The following COMMD10 variants were observed in gnomAD, a reference collection of about 807,000 sequenced individuals.
COMMD10 encodes the protein COMM domain-containing protein 10.
Under a neutral mutation model 28.9 loss-of-function variants are expected in COMMD10, and 33 were observed. The observed-to-expected ratio is 1.14, with a 90% CI of 0.87 to 1.53. The LOEUF is 1.53. Among genes scored for constraint, COMMD10 ranks in the 40% most tolerant of loss-of-function variants. COMMD10 has a pLI of 0.00. For synonymous variants in COMMD10, 110 were observed against 81.7 expected (o/e 1.35, Z -1.87); for missense variants, 310 against 233.4 (o/e 1.33, Z -2.14).
intron 5 of COMMD10, among the ~76,000 whole-genome samples, chr5:116,274,763 C>G (rs1027306645): frequency 2.0e-5 from 3 of 151,656 alleles, no homozygotes; most frequent in Admixed American, 6.6e-5. Context: ...AGTTTTTAAC[C>G]CACCTCTCAA....
intron 5 of COMMD10, among the ~76,000 whole-genome samples, chr5:116,157,660 T>A (rs1221539985): frequency 6.6e-6 from 1 of 152,208 alleles, no homozygotes; most frequent in African/African-American, 2.4e-5. Flanking sequence ...ATTCTAATTG[T>A]TGATGGAACA....
intron 5 of COMMD10, among the ~76,000 whole-genome samples, chr5:116,187,530 T>C (rs1748180798): frequency 6.6e-6 from 1 of 152,092 alleles, no homozygotes; most frequent in Admixed American, 6.5e-5. Context: ...TATATGGCTG[T>C]AACAAAGAAG....
chr5:116,108,926 C>A (rs952783552), intron 4 of COMMD10, among the ~76,000 whole-genome samples: 1 of 152,056 alleles, frequency 6.6e-6, no homozygotes, highest in Non-Finnish European at 1.5e-5. Flanking sequence ...CAGTCTCTTA[C>A]GGCTTCCCTT....
At chr5:116,174,240 C>T (rs1753431402) in intron 5 of COMMD10, among the ~76,000 whole-genome samples, 1 of 151,964 alleles carries the variant, frequency 6.6e-6, no homozygotes, top group African/African-American at 2.4e-5. Context: ...TTGCAAAGGC[C>T]CTGAGATGGA....
chr5:116,209,374 T>C (rs1026683373), intron 5 of COMMD10, among the ~76,000 whole-genome samples: 1 of 152,198 alleles, frequency 6.6e-6, no homozygotes, highest in Non-Finnish European at 1.5e-5. Context: ...GTTGCCAGTT[T>C]GGCGCACCAA....
At chr5:116,241,793 CT>C (rs1455681284) in intron 5 of COMMD10, among the ~76,000 whole-genome samples, 1 of 150,784 alleles carries the variant, frequency 6.6e-6, no homozygotes, top group Non-Finnish European at 1.5e-5. Flanking sequence ...TTTGTATTTT[CT>C]TTTTAGTAGA....
chr5:116,270,016 T>A (rs555041309), intron 5 of COMMD10, among the ~76,000 whole-genome samples: 1 of 146,294 alleles, frequency 6.8e-6, no homozygotes, highest in East Asian at 2.0e-4. Flanking sequence ...TTTCAAGCCT[T>A]CTAATCTAAG....
chr5:116,253,282 C>G (rs75394121), intron 5 of COMMD10, among the ~76,000 whole-genome samples: 1 of 132,592 alleles, frequency 7.5e-6, no homozygotes, highest in African/African-American at 2.9e-5. Context: ...ATTGAATACC[C>G]TTTATTTCCT....
At chr5:116,112,085 T>C (rs1393924275) in intron 4 of COMMD10, among the ~76,000 whole-genome samples, 1 of 152,218 alleles carries the variant, frequency 6.6e-6, no homozygotes, top group Non-Finnish European at 1.5e-5. Context: ...TGAACATTTC[T>C]TGTAGAGCTG....
intron 5 of COMMD10, among the ~76,000 whole-genome samples, chr5:116,193,113 G>T (rs559802074): frequency 1.3e-5 from 2 of 152,142 alleles, no homozygotes; most frequent in African/African-American, 4.8e-5. Flanking sequence ...CAAATGCTGC[G>T]TGAATTCACC....
intron 4 of COMMD10, among the ~76,000 whole-genome samples, chr5:116,108,510 C>G (rs997218129): frequency 3.3e-5 from 5 of 152,250 alleles, no homozygotes; most frequent in Admixed American, 6.5e-5. Flanking sequence ...ACCGCCTACT[C>G]AAGCCTCAGC....
intron 5 of COMMD10, among the ~76,000 whole-genome samples, chr5:116,234,593 T>A (rs926945910): frequency 6.6e-6 from 1 of 152,116 alleles, no homozygotes; most frequent in Non-Finnish European, 1.5e-5. Context: ...TAAAGTAAAA[T>A]TCAGTGTTCA....
chr5:116,250,528 G>T (rs1187549745), intron 5 of COMMD10, among the ~76,000 whole-genome samples: 1 of 151,716 alleles, frequency 6.6e-6, no homozygotes, highest in African/African-American at 2.4e-5. Flanking sequence ...CATACATGAT[G>T]ACTTCTTATC....
intron 5 of COMMD10, among the ~76,000 whole-genome samples, chr5:116,201,804 A>G (rs1269327004): frequency 6.6e-6 from 1 of 152,142 alleles, no homozygotes; most frequent in Non-Finnish European, 1.5e-5. Flanking sequence ...TAATTTATCC[A>G]AAGTTACACA....
chr5:116,271,586 A>C (rs1309388232), intron 5 of COMMD10, among the ~76,000 whole-genome samples: 2 of 151,704 alleles, frequency 1.3e-5, no homozygotes, highest in African/African-American at 4.9e-5. Context: ...CTAAGCTACC[A>C]GTATGGAAGA....
chr5:116,159,130 G>T (rs1203080497), intron 5 of COMMD10, among the ~76,000 whole-genome samples: 1 of 152,080 alleles, frequency 6.6e-6, no homozygotes, highest in Non-Finnish European at 1.5e-5. Flanking sequence ...ATATAATTCA[G>T]ATTATTTCTT....
At chr5:116,104,719 A>G (rs1236529558) in intron 4 of COMMD10, among the ~76,000 whole-genome samples, 13 of 151,328 alleles carry the variant, frequency 8.6e-5, no homozygotes, top group Admixed American at 6.6e-4. Context: ...TCCCGAGTTC[A>G]TGCCATTCTC....
chr5:116,187,251 ACTAT>A lies in COMMD10; in HGVS notation c.510+53076_510+53079del, dbSNP rs2112605634. Among the ~76,000 whole-genome samples, 6 of 152,286 alleles carry A rather than the reference ACTAT, an allele frequency of 3.9e-5. 1 individual carries two copies. The highest frequency in any genetic ancestry group is 3.9e-4 in the Admixed American group (6 of 15,296). On this transcript the variant is annotated intron_variant, in intron 5 of 6. Transcript: ENST00000274458. Reference sequence around the variant, plus strand: ...AGTGTTATGAAACTTATAATTAGGAACTATCTGAAAGCCAAATGTTTAGCTAAAA... The same window carrying A: ...AGTGTTATGAAACTTATAATTAGGAACTGAAAGCCAAATGTTTAGCTAAAA...
At chr5:116,208,095 G>C (rs6886621) in intron 5 of COMMD10, among the ~76,000 whole-genome samples, 56,575 of 151,670 alleles carry the variant, frequency 0.37, 13,016 homozygotes, top group African/African-American at 0.66. Context: ...TTATTTGTTT[G>C]AGTTTCCTTC....
Sources: gnomAD v4.1 joint callset for allele counts (sites outside exome capture counted in the v4.1 genomes callset) on GRCh38, gnomAD v4.1.1 for gene constraint, MANE v1.5 for transcripts, NCBI Gene and HGNC (gene_info 2026-07-23, HGNC 2026-07-21) for gene names.